The following TEX11 variants were observed in gnomAD, a reference collection of about 807,000 sequenced individuals.
The protein encoded by TEX11 is testis expressed 11, also known as testis-expressed protein 11.
A neutral mutation model predicts 84.4 loss-of-function variants in TEX11; 7 were observed. The observed-to-expected ratio is 0.08, with a 90% CI of 0.05 to 0.16. The LOEUF is 0.16. TEX11 is among the 10% of genes least tolerant of loss of function. The pLI, the probability that TEX11 is intolerant of heterozygous loss-of-function variation, is 1.00. For missense variants in TEX11, 551 were observed against 660.5 expected (o/e 0.83, Z 1.82); for synonymous variants, 264 against 222.8 (o/e 1.18, Z -1.64).
At chrX:70,528,639 G>A (rs1603025165), downstream of TEX11, among the ~76,000 whole-genome samples, 2 of 110,932 alleles carry the variant, frequency 1.8e-5, no homozygotes, top group African/African-American at 3.3e-5. Flanking sequence ...AATAAGTTCT[G>A]TTAGAAACTG....
chrX:70,668,034 G>A (rs189303636), intron 16 of TEX11, among the ~76,000 whole-genome samples: 4 of 112,174 alleles, frequency 3.6e-5, no homozygotes, highest in Admixed American at 2.8e-4. Flanking sequence ...GTAGGTAAGA[G>A]AAAAGAAAGG....
the TEX11 span, among the ~76,000 whole-genome samples, chrX:70,517,081 G>A: frequency 2.8e-3 from 316 of 111,296 alleles, 3 homozygotes; most frequent in African/African-American, 9.5e-3. Flanking sequence ...GGACAATTTG[G>A]CTTCCTCTTT....
chrX:70,788,685 A>AAC (rs753573687), intron 9 of TEX11, among the ~76,000 whole-genome samples: 25,326 of 69,123 alleles, frequency 0.37, 4,206 homozygotes, highest in Middle Eastern at 0.57. Flanking sequence ...TCTCTTGGGA[A>AAC]ACACACACAC....
chrX:70,589,501 A>T (rs781339819), intron 25 of TEX11, among the ~76,000 whole-genome samples: 1 of 111,300 alleles, frequency 9.0e-6, no homozygotes, highest in South Asian at 3.8e-4. Flanking sequence ...TTTGGTGGAC[A>T]GTTAGCATTC....
intron 7 of TEX11, among the ~76,000 whole-genome samples, chrX:70,850,832 G>A (rs1411491206): frequency 9.0e-6 from 1 of 110,699 alleles, no homozygotes; most frequent in African/African-American, 3.3e-5. Context: ...CACTTTGAGA[G>A]GCCAAGGTGA....
chrX:70,684,737 T>C (rs1870422060), intron 13 of TEX11, among the ~76,000 whole-genome samples: 1 of 112,346 alleles, frequency 8.9e-6, no homozygotes, highest in South Asian at 3.7e-4. Flanking sequence ...CTCAAAGTGA[T>C]CTACAAATGC....
At chrX:70,656,113 G>GTATATATATATATATATATA (rs774232604) in intron 16 of TEX11, among the ~76,000 whole-genome samples, 1 of 101,383 alleles carries the variant, frequency 9.9e-6, no homozygotes, top group African/African-American at 3.5e-5. Flanking sequence ...AGGTAGCTGT[G>GTATATATATATATATATATA]TATATATATA....
chrX:70,638,920 C>T (rs999808112), intron 17 of TEX11, among the ~76,000 whole-genome samples: 3 of 109,741 alleles, frequency 2.7e-5, no homozygotes, highest in Non-Finnish European at 5.7e-5. Context: ...CCAAGATGGC[C>T]GAATAGGAAC....
chrX:70,594,607 G>A (rs778978744), intron 24 of TEX11, among the ~76,000 whole-genome samples: 3 of 111,291 alleles, frequency 2.7e-5, no homozygotes, highest in African/African-American at 9.8e-5. Context: ...TTGTTTTGGA[G>A]TAAGAAAATG....
At chrX:70,700,407 C>T (rs773151326) in intron 13 of TEX11, among the ~76,000 whole-genome samples, 3 of 111,782 alleles carry the variant, frequency 2.7e-5, no homozygotes, top group Non-Finnish European at 3.8e-5. Context: ...AAGTAATTCT[C>T]GCAATATTTC....
intron 13 of TEX11, among the ~76,000 whole-genome samples, chrX:70,717,607 C>T (rs1569417057): frequency 8.9e-6 from 1 of 111,958 alleles, no homozygotes. Flanking sequence ...GCGTAAGCCA[C>T]CACGCCTGGC....
At chrX:70,707,991 A>C (rs1255274314) in intron 13 of TEX11, among the ~76,000 whole-genome samples, 1 of 111,356 alleles carries the variant, frequency 9.0e-6, no homozygotes, top group Non-Finnish European at 1.9e-5. Context: ...GAATATTAAA[A>C]TATTCACAAA....
intron 28 of TEX11, among the ~76,000 whole-genome samples, chrX:70,539,832 C>T (rs1295860397): frequency 9.0e-6 from 1 of 111,509 alleles, no homozygotes; most frequent in Non-Finnish European, 1.9e-5. Flanking sequence ...TTTCTTTTTG[C>T]TTCATATACC....
intron 25 of TEX11, among the ~76,000 whole-genome samples, chrX:70,579,698 C>T (rs2088743626): frequency 9.0e-6 from 1 of 111,618 alleles, no homozygotes; most frequent in Non-Finnish European, 1.9e-5. Context: ...TCTGAATAGA[C>T]ATTTCTCAAA....
chrX:70,740,619 A>G lies in TEX11; in HGVS notation c.843+82T>C. ...AATCTGTGAGAGTAAATGCTGAAGC[A>G]AATGTCTAAACTGGATTTCAAAATG... On this transcript the variant is annotated intron_variant, in intron 11 of 29. Transcript: ENST00000374333. The G allele has an allele frequency of 6.4e-6, 4 of 628,122 alleles. No individual in the cohort carries two copies. In the South Asian group the frequency reaches 1.6e-4, roughly 25 times the overall value. The allele number at this position is 628,122 out of a possible 1,213,427, so 51.8% of individuals were successfully genotyped here.
At chrX:70,579,344 A>T (rs2088731337) in intron 25 of TEX11, among the ~76,000 whole-genome samples, 1 of 105,348 alleles carries the variant, frequency 9.5e-6, no homozygotes, top group Admixed American at 1.0e-4. Context: ...AAAAAAAAAA[A>T]ATTAGCTGGG....
At chrX:70,556,960 GTATT>G (rs930709727) in intron 25 of TEX11, among the ~76,000 whole-genome samples, 1 of 109,198 alleles carries the variant, frequency 9.2e-6, no homozygotes, top group South Asian at 4.0e-4. Context: ...CAACAATCAA[GTATT>G]TATTTATTTA....
chrX:70,565,968 G>A (rs2088467379), intron 25 of TEX11, among the ~76,000 whole-genome samples: 2 of 109,580 alleles, frequency 1.8e-5, no homozygotes, highest in Non-Finnish European at 3.8e-5. Context: ...GATGGGGATG[G>A]CATTGAATCT....
At chrX:70,845,837 C>T (rs781582726) in intron 7 of TEX11, among the ~76,000 whole-genome samples, 1 of 111,035 alleles carries the variant, frequency 9.0e-6, no homozygotes, top group Non-Finnish European at 1.9e-5. Flanking sequence ...CACACGCACA[C>T]ACAAAATAGT....
Sources: allele counts gnomAD v4.1 joint callset (sites outside exome capture counted in the v4.1 genomes callset), GRCh38; gene constraint gnomAD v4.1.1; transcripts MANE v1.5; gene names NCBI Gene and HGNC (gene_info 2026-07-23, HGNC 2026-07-21).